The following LIMK2 variants were observed in gnomAD, a reference collection of about 807,000 sequenced individuals.
The protein encoded by LIMK2 is LIM domain kinase 2.
LIMK2 carries 35 observed loss-of-function variants against 75.7 expected under a neutral mutation model. That is an observed-to-expected ratio of 0.46 (90% CI 0.35 to 0.61). The LOEUF is 0.61. Among genes scored for constraint, LIMK2 ranks in the 20% least tolerant of loss-of-function variants. The probability of loss-of-function intolerance (pLI) is 0.00; values close to 1 mark genes in which losing one functional copy is unlikely to be tolerated. For synonymous variants in LIMK2, 301 were observed against 319.2 expected (o/e 0.94, Z 0.61); for missense variants, 623 against 831.0 (o/e 0.75, Z 3.08).
In LIMK2 at chr22:31,212,311, T is replaced by A. The variant is rs1208195495; in HGVS notation, c.-98T>A. On this transcript the variant is annotated 5_prime_UTR_variant, in exon 1 of 16. Transcript: ENST00000331728. ...CCTGGGGCTGTGGTCTTCCCGCGCC[T>A]GAGGCGGCGGCGGCAGGAGCTGAGG... The A allele has an allele frequency of 1.0e-5, 13 of 1,246,646 alleles. No individual in the cohort carries two copies. In the Admixed American group the frequency reaches 1.5e-4, roughly 14 times the overall value. The allele number at this position is 1,246,646 out of a possible 1,614,324, so 77.2% of individuals were successfully genotyped here.
At chr22:31,277,266 CT>C in intron 15 of LIMK2, 2 of 1,521,346 alleles carry the variant, frequency 1.3e-6, no homozygotes, top group Admixed American at 4.5e-5. Context: ...CCTCGTGCCC[CT>C]GGCCCAGGGG....
intron 7 of LIMK2, among the ~76,000 whole-genome samples, chr22:31,265,077 C>T (rs1411192316): frequency 1.3e-5 from 2 of 151,854 alleles, no homozygotes; most frequent in Non-Finnish European, 2.9e-5. Context: ...GCCTGTAATC[C>T]CAGCTACTTG....
Position 31,251,789 on chromosome 22 carries a change from C to T in LIMK2, c.117-6502C>T, listed in dbSNP as rs574356485. Among the ~76,000 whole-genome samples the T allele has an allele frequency of 2.2e-4, 33 of 151,870 alleles. 1 individual carries two copies. Among genetic ancestry groups the T allele is most frequent in the Middle Eastern group, 3.4e-3 (1 of 294 alleles). Reference sequence around the variant, plus strand: ...TGACTGAGCTCTTATGGAACAGAGTCTCTCTAGGCCCCTGTCATATCTGCC... The same window carrying T: ...TGACTGAGCTCTTATGGAACAGAGTTTCTCTAGGCCCCTGTCATATCTGCC... On this transcript the variant is annotated intron_variant, in intron 2 of 15. Coordinates refer to ENST00000331728, the MANE Select transcript of LIMK2 (RefSeq NM_005569.4).
chr22:31,237,942 T>TAAA (rs11448021), intron 2 of LIMK2, among the ~76,000 whole-genome samples: 1 of 140,536 alleles, frequency 7.1e-6, no homozygotes, highest in Non-Finnish European at 1.5e-5. Context: ...CTGTCTCTGC[T>TAAA]AAAAAAAAAA....
intron 7 of LIMK2, among the ~76,000 whole-genome samples, chr22:31,263,699 T>C (rs2048864076): frequency 6.6e-6 from 1 of 151,882 alleles, no homozygotes; most frequent in African/African-American, 2.4e-5. Context: ...ATAATAATAA[T>C]TGTTTTTAAT....
chr22:31,273,416 G>A lies in LIMK2; in HGVS notation c.1559-36G>A, dbSNP rs541972302. On this transcript the variant is annotated intron_variant, in intron 13 of 15. Coordinates refer to ENST00000331728, the MANE Select transcript of LIMK2 (RefSeq NM_005569.4). ...ACCCAGTGCAGAGCAGGTAAGGGAT[G>A]TAAACTTAACAGTGTGCTCTCCTGT... is the stretch of plus-strand genomic sequence containing the variant. 4.4e-6 allele frequency: 7 copies of A among 1,590,416 alleles called. No individual in the cohort carries two copies. The South Asian group carries it at 4.4e-5, about 10-fold the overall frequency.
intron 1 of LIMK2, among the ~76,000 whole-genome samples, chr22:31,220,764 A>G (rs1230859148): frequency 2.0e-5 from 3 of 152,160 alleles, no homozygotes; most frequent in Non-Finnish European, 2.9e-5. Context: ...GGAGTTTGAG[A>G]CCAGCCTGAC....
Position 31,213,940 on chromosome 22 carries a change from C to T in LIMK2, c.16+1516C>T, listed in dbSNP as rs572101862. 9.1e-4 allele frequency among the ~76,000 whole-genome samples: 139 copies of T among 151,994 alleles called. 1 individual carries two copies. Among genetic ancestry groups the T allele is most frequent in the Non-Finnish European group, 1.6e-3 (112 of 67,972 alleles). ...AAGCGATTCTCCTACCTCAGCCTCCCGAGTAGCTGGGACAACAGGGGCCCG... is the reference window on the plus strand; with the variant it reads ...AAGCGATTCTCCTACCTCAGCCTCCTGAGTAGCTGGGACAACAGGGGCCCG... On this transcript the variant is annotated intron_variant, in intron 1 of 15. Coordinates refer to ENST00000331728, the MANE Select transcript of LIMK2 (RefSeq NM_005569.4).
chr22:31,271,812 C>G (rs1177161795), intron 12 of LIMK2, among the ~76,000 whole-genome samples: 1 of 152,204 alleles, frequency 6.6e-6, no homozygotes, highest in Non-Finnish European at 1.5e-5. Context: ...CATCTACTGC[C>G]TCCACCTTGC....
Position 31,272,600 on chromosome 22 carries a change from T to C in LIMK2, c.1454T>C (p.Met485Thr). 6.2e-7 allele frequency: 1 copy of C among 1,613,004 alleles called. No individual in the cohort carries two copies. The highest frequency in any genetic ancestry group is 1.7e-5 in the Admixed American group (1 of 59,906). Reference sequence around the variant, plus strand: ...GTGGAAGAGAGGAAAAGGGCCCCCATGGAGAAGGCCACCACCAAGAAACGC... The same window carrying C: ...GTGGAAGAGAGGAAAAGGGCCCCCACGGAGAAGGCCACCACCAAGAAACGC... ...LIVEERKRAP[M>T]EKATTKKRTL... Residue 485 changes from methionine to threonine, a missense_variant, in exon 13 of 16, where the codon ATG (methionine) becomes ACG (threonine). Transcript: ENST00000331728.
chr22:31,237,549 C>T (rs1256458467), intron 2 of LIMK2, among the ~76,000 whole-genome samples: 1 of 149,090 alleles, frequency 6.7e-6, no homozygotes. Context: ...AGTGAGATTC[C>T]GTCTCAAAAA....
intron 5 of LIMK2, among the ~76,000 whole-genome samples, chr22:31,261,529 G>A (rs1038680384): frequency 1.5e-5 from 2 of 136,908 alleles, no homozygotes; most frequent in African/African-American, 5.3e-5. Flanking sequence ...CTGAGCGACA[G>A]AGCGAGACTC....
intron 2 of LIMK2, among the ~76,000 whole-genome samples, chr22:31,240,153 C>T (rs1214672434): frequency 2.0e-5 from 3 of 152,052 alleles, no homozygotes; most frequent in African/African-American, 4.8e-5. Context: ...ATACTGCTTA[C>T]GATTACAAAA....
At chr22:31,265,811 C>A in intron 7 of LIMK2, 135 bp from the exon 8 acceptor site, 2 of 665,514 alleles carry the variant, frequency 3.0e-6, no homozygotes, top group Non-Finnish European at 5.1e-6. Context: ...GATGTAAGAG[C>A]CCCTGTTCCC....
chr22:31,275,440 CT>C (rs1225881061), intron 15 of LIMK2, 132 bp downstream of exon 15: 8 of 806,786 alleles, frequency 9.9e-6, no homozygotes, highest in Admixed American at 5.3e-5. Context: ...CTGTCAACCC[CT>C]GAGCCATCTG....
intron 1 of LIMK2, among the ~76,000 whole-genome samples, chr22:31,222,157 G>T (rs1187070635): frequency 2.0e-5 from 3 of 151,592 alleles, no homozygotes; most frequent in Non-Finnish European, 4.4e-5. Flanking sequence ...TGCAACCTCT[G>T]CCTCCCGGGT....
intron 7 of LIMK2, among the ~76,000 whole-genome samples, chr22:31,265,530 T>C (rs568234300): frequency 6.6e-6 from 1 of 151,020 alleles, no homozygotes; most frequent in Non-Finnish European, 1.5e-5. Context: ...AGAGCGAGAC[T>C]CTGTCTCAAA....
At chr22:31,270,869 G>T (rs1446979032) in intron 11 of LIMK2, among the ~76,000 whole-genome samples, 1 of 152,194 alleles carries the variant, frequency 6.6e-6, no homozygotes, top group African/African-American at 2.4e-5. Context: ...GGAGAGAGCT[G>T]TGAGGGCTTT....
At chr22:31,223,538 C>A (rs2048454281) in intron 1 of LIMK2, among the ~76,000 whole-genome samples, 1 of 152,052 alleles carries the variant, frequency 6.6e-6, no homozygotes, top group Non-Finnish European at 1.5e-5. Flanking sequence ...ATAAACTGAC[C>A]CTGAAAGCTC....
Sources: gnomAD v4.1 joint callset for allele counts (sites outside exome capture counted in the v4.1 genomes callset) on GRCh38, gnomAD v4.1.1 for gene constraint, MANE v1.5 for transcripts, NCBI Gene and HGNC (gene_info 2026-07-23, HGNC 2026-07-21) for gene names.